TK2: variants seen among roughly 807,000 people sequenced by gnomAD.
The protein encoded by TK2 is thymidine kinase 2, also known as thymidine kinase 2, mitochondrial.
In TK2, 35 loss-of-function variants were observed where a neutral mutation model predicts 41.9. The ratio of observed to expected loss-of-function variants is 0.84; its 90% CI spans 0.64 to 1.11. The LOEUF is 1.11. TK2 is among the 50% of genes least tolerant of loss of function. The probability of loss-of-function intolerance (pLI) is 0.00; values close to 1 mark genes in which losing one functional copy is unlikely to be tolerated. For missense variants in TK2, 320 were observed against 351.1 expected (o/e 0.91, Z 0.71); for synonymous variants, 128 against 129.1 (o/e 0.99, Z 0.06).
intron 9 of TK2, among the ~76,000 whole-genome samples, chr16:66,513,339 T>C (rs1262564305): frequency 6.6e-6 from 1 of 152,166 alleles, no homozygotes; most frequent in Non-Finnish European, 1.5e-5. Flanking sequence ...ACAATGACAT[T>C]CCTTCTGATG....
Position 66,542,050 on chromosome 16 carries a change from A to C in TK2, c.157-97T>G, listed in dbSNP as rs1444505400. 2.1e-5 allele frequency: 28 copies of C among 1,328,472 alleles called. 1 individual carries two copies. In the South Asian group the frequency reaches 2.6e-4, roughly 12 times the overall value. 82.3% of individuals were successfully genotyped at this position (1,328,472 alleles called of 1,614,324 possible). ...GGAAAGGGCTCATGTAACCAGCATA[A>C]TTGGTTCAGTCCAAGACTTTCACAT... On this transcript the variant is annotated intron_variant, in intron 2 of 9. Transcript: ENST00000544898.
At position 66,511,971 on chromosome 16, in the gene TK2, T is replaced by C. The variant is rs1228539651; in HGVS notation, c.795A>G (p.Pro265=). The change falls in exon 10 of 10, where the codon CCA becomes CCG. Residue 265 remains proline, a synonymous_variant. Coordinates refer to ENST00000544898, the MANE Select transcript of TK2 (RefSeq NM_004614.5). Reference sequence around the variant, plus strand: ...TGAGCCATAGACCTTTTGCCTCCTATGGGCAATGCTTCCGATTCTCTGGAG... The same window carrying C: ...TGAGCCATAGACCTTTTGCCTCCTACGGGCAATGCTTCCGATTCTCTGGAG... The part of the protein sequence containing the change: ...ILTPENRKHC[P] The C allele has an allele frequency of 1.9e-6, 3 of 1,614,008 alleles. No individual in the cohort carries two copies. The highest frequency in any genetic ancestry group is 1.1e-5 in the South Asian group (1 of 91,084).
At position 66,526,344 on chromosome 16, in the gene TK2, CAG is replaced by C. The variant is rs1423619334; in HGVS notation, c.449+2648_449+2649del. Among the ~76,000 whole-genome samples the C allele has an allele frequency of 1.3e-5, 2 of 152,234 alleles. 1 individual carries two copies. Among genetic ancestry groups the C allele is most frequent in the Admixed American group, 1.3e-4 (2 of 15,278 alleles). The stretch of plus-strand genomic sequence containing the variant: ...TTAGAAACTTGGTCTTGCTCACAAA[CAG>C]AGCAAACTTCAGAGCCAGGATAGAA... On this transcript the variant is annotated intron_variant, in intron 6 of 9. Coordinates refer to ENST00000544898, the MANE Select transcript of TK2 (RefSeq NM_004614.5).
chr16:66,546,656 C>T (rs1965617334), intron 2 of TK2: 1 of 151,644 alleles, frequency 6.6e-6, no homozygotes, highest in Non-Finnish European at 1.5e-5. Flanking sequence ...AGTGCCTTCC[C>T]AGGTCACTAA....
At chr16:66,520,300 T>C (rs1281210004) in intron 6 of TK2, among the ~76,000 whole-genome samples, 1 of 152,132 alleles carries the variant, frequency 6.6e-6, no homozygotes, top group Non-Finnish European at 1.5e-5. Flanking sequence ...CCTCTCCGCT[T>C]ACCTCCTTAA....
At chr16:66,546,506 A>G (rs1965611558) in intron 2 of TK2, 1 of 152,072 alleles carries the variant, frequency 6.6e-6, no homozygotes, top group African/African-American at 2.4e-5. Flanking sequence ...TCTCTTAACT[A>G]GACTGAGAAT....
rs188821806 is a variant in TK2 at position 66,525,983 on chromosome 16, T to C, written c.449+3011A>G. Among the ~76,000 whole-genome samples the C allele has an allele frequency of 2.6e-5, 4 of 152,234 alleles. No individual in the cohort carries two copies. In the East Asian group the frequency reaches 7.7e-4, roughly 29 times the overall value. On this transcript the variant is annotated intron_variant, in intron 6 of 9. Coordinates refer to ENST00000544898, the MANE Select transcript of TK2 (RefSeq NM_004614.5). ...ACAGCTCCAGGCAAGGCCCATGTCA[T>C]CTAGACCAATGCCGTAACCACAGAG...
At chr16:66,529,618 G>A (rs1453053693) in intron 5 of TK2, among the ~76,000 whole-genome samples, 1 of 152,200 alleles carries the variant, frequency 6.6e-6, no homozygotes, top group East Asian at 1.9e-4. Flanking sequence ...CTGCCAGGAT[G>A]CTCAAACCCT....
chr16:66,530,860 G>C (rs1449402632), intron 5 of TK2, among the ~76,000 whole-genome samples: 2 of 151,940 alleles, frequency 1.3e-5, no homozygotes, highest in African/African-American at 2.4e-5. Flanking sequence ...TGGGATTATA[G>C]GCACACACAT....
intron 8 of TK2, among the ~76,000 whole-genome samples, chr16:66,515,010 C>A (rs192665086): frequency 6.6e-6 from 1 of 152,230 alleles, no homozygotes; most frequent in African/African-American, 2.4e-5. Flanking sequence ...TCTCAAGTAC[C>A]CAGGGACACA....
intron 6 of TK2, among the ~76,000 whole-genome samples, chr16:66,521,792 C>T (rs1964787899): frequency 6.6e-6 from 1 of 152,244 alleles, no homozygotes; most frequent in Admixed American, 6.5e-5. Flanking sequence ...CAAATCCAAG[C>T]TTGGCAAATC....
rs1964392057 is a variant in TK2 at position 66,509,636 on chromosome 16, T to A, written c.*2332A>T. ...CTCCAGTCTCACAGCAAGGATGAGGTGAGCCCAACATATCTGGAATGTCAC... is the reference window on the plus strand; with the variant it reads ...CTCCAGTCTCACAGCAAGGATGAGGAGAGCCCAACATATCTGGAATGTCAC... On this transcript the variant is annotated 3_prime_UTR_variant, in exon 10 of 10. Coordinates refer to ENST00000544898, the MANE Select transcript of TK2 (RefSeq NM_004614.5). 6.6e-6 allele frequency: 1 copy of A among 152,218 alleles called. No homozygotes were observed. Among genetic ancestry groups the A allele is most frequent in the East Asian group, 1.9e-4 (1 of 5,200 alleles). The allele number at this position is 152,218 out of a possible 1,614,324, so 9.4% of individuals were successfully genotyped here.
intron 8 of TK2, among the ~76,000 whole-genome samples, chr16:66,516,762 T>C (rs1234675312): frequency 6.6e-6 from 1 of 152,058 alleles, no homozygotes; most frequent in Non-Finnish European, 1.5e-5. Flanking sequence ...GGCTGGGTCC[T>C]GCCCTCCTGG....
intron 4 of TK2, among the ~76,000 whole-genome samples, chr16:66,532,728 AAC>A (rs1382997971): frequency 6.6e-6 from 1 of 152,156 alleles, no homozygotes; most frequent in Non-Finnish European, 1.5e-5. Context: ...AATTGAACAG[AAC>A]ACACACAAAA....
chr16:66,516,594 C>T (rs994940285), intron 8 of TK2, among the ~76,000 whole-genome samples: 11 of 152,112 alleles, frequency 7.2e-5, no homozygotes, highest in African/African-American at 2.7e-4. Context: ...ATGCACAGCC[C>T]GGGCCTATAC....
chr16:66,513,647 C>G, intron 9 of TK2, 84 bp downstream of exon 9: 1 of 1,265,300 alleles, frequency 7.9e-7, no homozygotes, highest in Non-Finnish European at 1.1e-6. Context: ...ACTGTGCCCT[C>G]CCCTGTCTGC....
At chr16:66,544,484 G>A (rs1965546132) in intron 2 of TK2, among the ~76,000 whole-genome samples, 2 of 152,096 alleles carry the variant, frequency 1.3e-5, no homozygotes, top group Non-Finnish European at 2.9e-5. Context: ...TTTATTGAAG[G>A]CCTATGCTGT....
At chr16:66,518,711 T>C (rs1440793367) in intron 6 of TK2, among the ~76,000 whole-genome samples, 2 of 152,292 alleles carry the variant, frequency 1.3e-5, no homozygotes, top group East Asian at 3.9e-4. Flanking sequence ...TAATGTTCAG[T>C]GAAAGCAACA....
At position 66,517,365 on chromosome 16, in the gene TK2, C is replaced by G; in HGVS notation, c.539-150G>C. On this transcript the variant is annotated intron_variant, in intron 7 of 9. Coordinates refer to ENST00000544898, the MANE Select transcript of TK2 (RefSeq NM_004614.5). This position sits in a 1 kb window ranked among gnomAD's most constrained non-coding sequence, Gnocchi z 4.3. ...TGGCTTGACCACTGACCCTCCGCCT[C>G]GACTTTCATTCTCTTTCAGTGTCAG... is the stretch of plus-strand genomic sequence containing the variant. 1.3e-6 allele frequency: 1 copy of G among 766,162 alleles called. No individual in the cohort carries two copies. The highest frequency in any genetic ancestry group is 1.8e-5 in the Admixed American group (1 of 55,034). 47.5% of individuals were successfully genotyped at this position (766,162 alleles called of 1,614,324 possible). A position where few individuals can be genotyped will look rare whatever the true frequency, so the allele number is the denominator to read the frequency against.
Sources: gnomAD v4.1 joint callset for allele counts (sites outside exome capture counted in the v4.1 genomes callset) on GRCh38, gnomAD v4.1.1 for gene constraint, Gnocchi (gnomAD v3.1) non-coding constraint, MANE v1.5 for transcripts, NCBI Gene and HGNC (gene_info 2026-07-23, HGNC 2026-07-21) for gene names.